The following CFTR variants were observed in gnomAD, a reference collection of about 807,000 sequenced individuals.
The protein encoded by CFTR is CF transmembrane conductance regulator.
Under a neutral mutation model 171.6 loss-of-function variants are expected in CFTR, and 181 were observed. That is an observed-to-expected ratio of 1.05 (90% CI 0.93 to 1.19). The LOEUF is 1.19. CFTR is among the 50% of genes most tolerant of loss of function. The pLI is 0.00. For synonymous variants in CFTR, 583 were observed against 608.0 expected, an observed-to-expected ratio of 0.96 and a Z score of 0.60; for missense variants, 1,968 against 1,734.7, an observed-to-expected ratio of 1.13 and a Z score of -2.39.
At chr7:117,661,907 C>A (rs1315822578) in intron 24 of CFTR, among the ~76,000 whole-genome samples, 1 of 142,628 alleles carries the variant, frequency 7.0e-6, no homozygotes, top group Non-Finnish European at 1.5e-5. Flanking sequence ...CTGAGGAGGG[C>A]AGATTCAAAG....
At chr7:117,654,163 G>C (rs944772713) in intron 24 of CFTR, among the ~76,000 whole-genome samples, 1 of 152,164 alleles carries the variant, frequency 6.6e-6, no homozygotes, top group Non-Finnish European at 1.5e-5. Context: ...ATGGCTCCCT[G>C]AGTGTGCAAT....
intron 11 of CFTR, among the ~76,000 whole-genome samples, chr7:117,570,341 GA>G (rs1348364544): frequency 6.6e-6 from 1 of 152,168 alleles, no homozygotes; most frequent in African/African-American, 2.4e-5. Flanking sequence ...AAGAGTTTGG[GA>G]AGCGTAGTGC....
At chr7:117,648,047 T>G (rs1251070129) in intron 23 of CFTR, among the ~76,000 whole-genome samples, 2 of 146,116 alleles carry the variant, frequency 1.4e-5, no homozygotes, top group African/African-American at 5.0e-5. Context: ...CACACACACA[T>G]TATTTATATA....
intron 3 of CFTR, among the ~76,000 whole-genome samples, chr7:117,522,647 A>G (rs1798701933): frequency 6.6e-6 from 1 of 152,142 alleles, no homozygotes; most frequent in South Asian, 2.1e-4. Context: ...TGCTTGTACT[A>G]TTTCATGTGG....
intron 24 of CFTR, among the ~76,000 whole-genome samples, chr7:117,654,912 A>C (rs906798332): frequency 3.3e-5 from 5 of 152,156 alleles, no homozygotes; most frequent in Admixed American, 6.5e-5. Flanking sequence ...TGCACTCTGA[A>C]CTATGATGGG....
At chr7:117,495,471 A>G (rs189460519) in intron 1 of CFTR, among the ~76,000 whole-genome samples, 1 of 152,278 alleles carries the variant, frequency 6.6e-6, no homozygotes, top group African/African-American at 2.4e-5. Flanking sequence ...AGTGAATTAG[A>G]TACAGCTGTT....
At chr7:117,523,536 C>G (rs1019817214) in intron 3 of CFTR, among the ~76,000 whole-genome samples, 11 of 152,016 alleles carry the variant, frequency 7.2e-5, no homozygotes, top group Non-Finnish European at 2.9e-5. Context: ...GCCTCCACGC[C>G]CAGCTAAATT....
intron 11 of CFTR, chr7:117,564,527 T>A (rs187152693): frequency 6.2e-6 from 1 of 161,482 alleles, no homozygotes; most frequent in African/African-American, 2.4e-5. Flanking sequence ...GAATCCTTGA[T>A]GGTTAAGCAG....
intron 1 of CFTR, among the ~76,000 whole-genome samples, chr7:117,487,157 C>T (rs1361073940): frequency 3.9e-5 from 6 of 152,002 alleles, no homozygotes; most frequent in Admixed American, 2.0e-4. Flanking sequence ...GTATATGGCT[C>T]AGGGTTAGGT....
chr7:117,559,700 TCA>T lies in CFTR; in HGVS notation c.1584+49_1584+50del, dbSNP rs761805718. 8.6e-6 allele frequency: 11 copies of T among 1,280,210 alleles called. No individual in the cohort carries two copies. The East Asian group carries it at 2.3e-4, about 27-fold the overall frequency. 79.3% of individuals were successfully genotyped at this position (1,280,210 alleles called of 1,614,324 possible). ...CTTTTTGATTATGCATATGAACCCTTCACACTACCCAAATTATATATTTGGCT... is the reference window on the plus strand; with the variant it reads ...CTTTTTGATTATGCATATGAACCCTTCACTACCCAAATTATATATTTGGCT... On this transcript the variant is annotated intron_variant, in intron 11 of 26. Coordinates refer to ENST00000003084, the MANE Select transcript of CFTR (RefSeq NM_000492.4).
chr7:117,532,585 A>T (rs554331874), intron 4 of CFTR, among the ~76,000 whole-genome samples: 32 of 152,310 alleles, frequency 2.1e-4, no homozygotes, highest in African/African-American at 7.5e-4. Flanking sequence ...GCGGGAAGAG[A>T]CAGGCATGGG....
chr7:117,520,331 T>C (rs13220943), intron 3 of CFTR, among the ~76,000 whole-genome samples: 1 of 151,444 alleles, frequency 6.6e-6, no homozygotes, highest in Non-Finnish European at 1.5e-5. Flanking sequence ...AATCTATATA[T>C]CTTTTTCTTT....
intron 7 of CFTR, among the ~76,000 whole-genome samples, chr7:117,539,877 G>A (rs550951300): frequency 6.6e-6 from 1 of 151,574 alleles, no homozygotes; most frequent in South Asian, 2.1e-4. Context: ...AGTACTACAA[G>A]CAAAACACTG....
At chr7:117,491,478 A>G (rs1249424750) in intron 1 of CFTR, among the ~76,000 whole-genome samples, 3 of 152,068 alleles carry the variant, frequency 2.0e-5, no homozygotes, top group African/African-American at 7.2e-5. Flanking sequence ...GGTTTTGAAG[A>G]CTAGAAGTAC....
At chr7:117,648,430 A>G (rs778030189) in intron 23 of CFTR, among the ~76,000 whole-genome samples, 11 of 152,108 alleles carry the variant, frequency 7.2e-5, no homozygotes, top group Non-Finnish European at 1.5e-4. Flanking sequence ...GCTGTAGCAA[A>G]AAGGTTTGTC....
chr7:117,480,900 G>A (rs1284786508), intron 1 of CFTR, among the ~76,000 whole-genome samples: 2 of 152,158 alleles, frequency 1.3e-5, no homozygotes, highest in Non-Finnish European at 2.9e-5. Context: ...CTTAGGCAAA[G>A]TGTTGTTAGA....
chr7:117,492,317 A>T (rs905827894), intron 1 of CFTR, among the ~76,000 whole-genome samples: 4 of 152,012 alleles, frequency 2.6e-5, no homozygotes, highest in African/African-American at 9.7e-5. Context: ...TCACATTTGC[A>T]TTGCATTTAC....
intron 10 of CFTR, among the ~76,000 whole-genome samples, chr7:117,554,315 A>G (rs1584796084): frequency 1.3e-5 from 2 of 152,296 alleles, no homozygotes; most frequent in African/African-American, 4.8e-5. Flanking sequence ...ATCCAATAGG[A>G]TTAATGGATA....
intron 11 of CFTR, among the ~76,000 whole-genome samples, chr7:117,572,548 C>T (rs769341812): frequency 6.6e-6 from 1 of 152,142 alleles, no homozygotes; most frequent in Non-Finnish European, 1.5e-5. Flanking sequence ...CTCAGATACA[C>T]GTTCACATGT....
Sources: gnomAD v4.1 joint callset for allele counts (sites outside exome capture counted in the v4.1 genomes callset) on GRCh38, gnomAD v4.1.1 for gene constraint, MANE v1.5 for transcripts, NCBI Gene and HGNC (gene_info 2026-07-23, HGNC 2026-07-21) for gene names.